The following FBXW11 variants were observed in gnomAD, a reference collection of about 807,000 sequenced individuals.
FBXW11 encodes F-box/WD repeat-containing protein 11.
In FBXW11, 19 loss-of-function variants were observed where a neutral mutation model predicts 77.6. The observed-to-expected ratio is 0.24, with a 90% CI of 0.17 to 0.36. FBXW11 has a LOEUF of 0.36. FBXW11 is among the 10% of genes least tolerant of loss of function. FBXW11 has a pLI of 1.00. For synonymous variants in FBXW11, 235 were observed against 249.4 expected (o/e 0.94, Z 0.54); for missense variants, 334 against 704.2 (o/e 0.47, Z 5.95).
intron 1 of FBXW11, among the ~76,000 whole-genome samples, chr5:171,993,852 C>A (rs1330930756): frequency 2.0e-5 from 3 of 152,092 alleles, no homozygotes; most frequent in African/African-American, 7.2e-5. Flanking sequence ...ATTTAAATGT[C>A]AATTTAATTA....
At chr5:171,896,137 G>C (rs922012646) in intron 6 of FBXW11, among the ~76,000 whole-genome samples, 3 of 152,116 alleles carry the variant, frequency 2.0e-5, no homozygotes, top group African/African-American at 7.2e-5. Context: ...ATTCAGAGAT[G>C]AACATTTCCT....
At chr5:171,962,603 T>C (rs1325316402) in intron 1 of FBXW11, among the ~76,000 whole-genome samples, 1 of 152,150 alleles carries the variant, frequency 6.6e-6, no homozygotes, top group Non-Finnish European at 1.5e-5. Flanking sequence ...AGAAACACCA[T>C]AAGTCAGTAA....
chr5:171,978,208 G>T (rs145210167), intron 1 of FBXW11, among the ~76,000 whole-genome samples: 1 of 152,250 alleles, frequency 6.6e-6, no homozygotes, highest in East Asian at 1.9e-4. Flanking sequence ...TGCAGAAAGC[G>T]AGGGTGAAAA....
In FBXW11 at chr5:171,916,462, T is replaced by C. The variant is rs1467773809; in HGVS notation, c.148-2057A>G. ...CTCTATGTGAAAATCAACCATGAGC[T>C]AGAGAGGAAGGCAGTGTGTCCAAGA... On this transcript the variant is annotated intron_variant, in intron 2 of 13. Transcript: ENST00000517395. 4.1e-6 allele frequency: 4 copies of C among 985,208 alleles called. No individual in the cohort carries two copies. The African/African-American group carries it at 7.0e-5, about 17-fold the overall frequency. The allele number at this position is 985,208 out of a possible 1,614,324, so 61.0% of individuals were successfully genotyped here.
chr5:171,869,681 T>C lies in FBXW11; in HGVS notation c.1530+48A>G. 3 of 1,452,114 alleles carry C rather than the reference T, an allele frequency of 2.1e-6. No individual in the cohort carries two copies. Among genetic ancestry groups the C allele is most frequent in the Non-Finnish European group, 2.8e-6 (3 of 1,054,014 alleles). The allele number at this position is 1,452,114 out of a possible 1,614,324, so 90.0% of individuals were successfully genotyped here. A position where few individuals can be genotyped will look rare whatever the true frequency, so the allele number is the denominator to read the frequency against. ...CCTAGACAGGACTATCTGCAAATGG[T>C]CATCCTCCAGCACAGGGAACCAATT... is the stretch of plus-strand genomic sequence containing the variant. On this transcript the variant is annotated intron_variant, in intron 12 of 13. Transcript: ENST00000517395. This position sits in a 1 kb window ranked among gnomAD's most constrained non-coding sequence, Gnocchi z 4.1.
At chr5:171,941,620 G>A (rs1311881502) in intron 2 of FBXW11, among the ~76,000 whole-genome samples, 1 of 151,592 alleles carries the variant, frequency 6.6e-6, no homozygotes, top group African/African-American at 2.4e-5. Context: ...ATTACAGCAT[G>A]AGAGAAGCAT....
chr5:171,921,588 CA>C (rs975634735), intron 2 of FBXW11, among the ~76,000 whole-genome samples: 2 of 152,084 alleles, frequency 1.3e-5, no homozygotes, highest in Non-Finnish European at 2.9e-5. Context: ...ATCCCCTACA[CA>C]CAAAGGTAAG....
chr5:171,934,920 G>C (rs754814024), intron 2 of FBXW11, among the ~76,000 whole-genome samples: 1 of 152,098 alleles, frequency 6.6e-6, no homozygotes, highest in Non-Finnish European at 1.5e-5. Context: ...GAGGGATATA[G>C]GGAATGACAG....
chr5:171,952,119 A>G (rs772924647), intron 2 of FBXW11, among the ~76,000 whole-genome samples: 1 of 151,958 alleles, frequency 6.6e-6, no homozygotes, highest in Non-Finnish European at 1.5e-5. Flanking sequence ...TAGTGACTCC[A>G]AAGTCAAGCT....
In FBXW11 at chr5:171,968,647, T is replaced by C. The variant is rs1260861281; in HGVS notation, c.46-10949A>G. 3.9e-5 allele frequency among the ~76,000 whole-genome samples: 6 copies of C among 152,280 alleles called. No homozygotes were observed. In the East Asian group the frequency reaches 9.7e-4, roughly 25 times the overall value. On this transcript the variant is annotated intron_variant, in intron 1 of 13. Coordinates refer to ENST00000517395, the MANE Select transcript of FBXW11 (RefSeq NM_001378974.1). ...CATACCGCATGACATCTGAGAGGTC[T>C]TCCAGGTGACAAAACTAAAACCCCA... is the stretch of plus-strand genomic sequence containing the variant.
chr5:171,940,744 C>T (rs1485199742), intron 2 of FBXW11, among the ~76,000 whole-genome samples: 1 of 151,946 alleles, frequency 6.6e-6, no homozygotes, highest in Non-Finnish European at 1.5e-5. Flanking sequence ...AAAAATTAGC[C>T]AGGCGTGGTA....
At chr5:171,959,491 T>C (rs1763784081) in intron 1 of FBXW11, among the ~76,000 whole-genome samples, 1 of 151,876 alleles carries the variant, frequency 6.6e-6, no homozygotes, top group Non-Finnish European at 1.5e-5. Context: ...TCCCATGGAA[T>C]TTTTTTTCCA....
intron 1 of FBXW11, among the ~76,000 whole-genome samples, chr5:171,984,001 C>A (rs2099322): frequency 6.6e-6 from 1 of 151,948 alleles, no homozygotes; most frequent in Admixed American, 6.5e-5. Flanking sequence ...AAACTACAGC[C>A]ACACATAATA....
chr5:171,984,834 C>T (rs541135165), intron 1 of FBXW11, among the ~76,000 whole-genome samples: 1 of 152,046 alleles, frequency 6.6e-6, no homozygotes, highest in African/African-American at 2.4e-5. Flanking sequence ...AAAGGCAGGT[C>T]GAAGTTACAT....
intron 4 of FBXW11, among the ~76,000 whole-genome samples, chr5:171,905,129 C>T (rs1395439845): frequency 6.6e-6 from 1 of 152,190 alleles, no homozygotes; most frequent in Admixed American, 6.6e-5. Flanking sequence ...ACTTTAAATG[C>T]ATTTCCTCCT....
intron 1 of FBXW11, among the ~76,000 whole-genome samples, chr5:171,979,784 C>G (rs565559467): frequency 6.6e-6 from 1 of 152,268 alleles, no homozygotes; most frequent in Admixed American, 6.5e-5. Context: ...TTTCTATTTT[C>G]TGCAGAAAGG....
intron 2 of FBXW11, among the ~76,000 whole-genome samples, chr5:171,937,837 C>CAAAAAAAAA (rs893848306): frequency 1.7e-5 from 1 of 57,784 alleles, no homozygotes; most frequent in Admixed American, 2.0e-4. Context: ...CAAAAAAAAG[C>CAAAAAAAAA]AAAAAAAAAA....
At chr5:171,930,329 G>A (rs549355623) in intron 2 of FBXW11, among the ~76,000 whole-genome samples, 101 of 152,200 alleles carry the variant, frequency 6.6e-4, no homozygotes, top group Non-Finnish European at 8.5e-4. Context: ...ATACGTATTA[G>A]TGAAAAAGTT....
chr5:171,875,220 G>A (rs888372370), intron 9 of FBXW11, among the ~76,000 whole-genome samples: 1 of 150,784 alleles, frequency 6.6e-6, no homozygotes, highest in Non-Finnish European at 1.5e-5. Flanking sequence ...GACTAGTCTG[G>A]GCAATAAAGC....
Sources: gnomAD v4.1 joint callset for allele counts (sites outside exome capture counted in the v4.1 genomes callset) on GRCh38, gnomAD v4.1.1 for gene constraint, Gnocchi (gnomAD v3.1) non-coding constraint, MANE v1.5 for transcripts, NCBI Gene and HGNC (gene_info 2026-07-23, HGNC 2026-07-21) for gene names.